Variants in SHANK1 observed in about 807,000 individuals in gnomAD.
The protein encoded by SHANK1 is SH3 and multiple ankyrin repeat domains protein 1.
SHANK1 carries 35 observed loss-of-function variants against 165.6 expected under a neutral mutation model. The observed-to-expected ratio is 0.21, with a 90% CI of 0.16 to 0.28. The LOEUF (loss-of-function observed/expected upper bound fraction) is 0.28, where lower values mean the gene tolerates loss of function less well. SHANK1 is among the 10% of genes least tolerant of loss of function. SHANK1 has a pLI of 1.00. For synonymous variants in SHANK1, 1,428 were observed against 1,384.8 expected (o/e 1.03, Z -0.69); for missense variants, 2,681 against 3,036.4 (o/e 0.88, Z 2.75).
At chr19:50,701,937 C>T (rs1440618342) in intron 12 of SHANK1, among the ~76,000 whole-genome samples, 1 of 152,180 alleles carries the variant, frequency 6.6e-6, no homozygotes, top group Non-Finnish European at 1.5e-5. Context: ...TCGCCACGGC[C>T]AAACATCTTA....
At chr19:50,681,770 G>T (rs544416148) in intron 21 of SHANK1, among the ~76,000 whole-genome samples, 5 of 152,286 alleles carry the variant, frequency 3.3e-5, no homozygotes, top group African/African-American at 7.2e-5. Flanking sequence ...TTATTTCAGT[G>T]AATTAATTTA....
Position 50,697,296 on chromosome 19 carries a change from C to T in SHANK1, c.1938-174G>A, listed in dbSNP as rs1986772225. ...TGGGGCACATGAAGGAGACAAGGGC[C>T]TCCAGCCAGCCAGACATAAGAGCGC... On this transcript the variant is annotated intron_variant, in intron 14 of 23. Transcript: ENST00000293441. This position sits in a 1 kb window ranked among gnomAD's most constrained non-coding sequence, Gnocchi z 4.7. 6.6e-6 allele frequency among the ~76,000 whole-genome samples: 1 copy of T among 151,340 alleles called. No individual in the cohort carries two copies. The highest frequency in any genetic ancestry group is 1.5e-5 in the Non-Finnish European group (1 of 67,766).
Position 50,672,098 on chromosome 19 carries a change from T to C in SHANK1, c.2594A>G (p.His865Arg). Residue 865 changes from histidine (H) to arginine (R), a missense_variant, in exon 22 of 24, where the codon CAC becomes CGC. His to Arg is a conservative substitution (Grantham distance 29). Transcript: ENST00000293441. ...FFATESSFDP[H>R]HRAQPSYERP... is the part of the protein sequence containing the mutation. ...CTCGTAACTTGGCTGGGCACGGTGG[T>C]GGGGATCGAAGCTCGACTTTGGAGC... is the stretch of plus-strand genomic sequence containing the variant. 6.2e-7 allele frequency: 1 copy of C among 1,613,352 alleles called. No homozygotes were observed.
At chr19:50,689,035 C>T in intron 16 of SHANK1, 67 bp from the exon 17 acceptor site, 2 of 1,272,706 alleles carry the variant, frequency 1.6e-6, no homozygotes, top group South Asian at 1.3e-5. Context: ...GGGGATGGGG[C>T]TCAGACCCAA....
Position 50,668,956 on chromosome 19 carries a change from G to C in SHANK1, c.3004C>G (p.His1002Asp). ...GGCGGGGCGTGGTGGTGGTGGTGGTGGGGCGGGTGGTGGTGGGCCGGGGGC... is the reference window on the plus strand; with the variant it reads ...GGCGGGGCGTGGTGGTGGTGGTGGTCGGGCGGGTGGTGGTGGGCCGGGGGC... ...PLPPAHHHPP[H>D]HHHHHAPPPQ... Residue 1002 changes from histidine (H) to aspartate (D), a missense_variant, in exon 23 of 24, where the codon CAC becomes GAC. Around this residue, in one of 10 missense-constraint regions of SHANK1, gnomAD observed 1,713 missense variants for 1,630.2 expected, o/e 1.05. Transcript: ENST00000293441. 1.7e-6 allele frequency: 1 copy of C among 584,090 alleles called. No individual in the cohort carries two copies. Among genetic ancestry groups the C allele is most frequent in the Non-Finnish European group, 2.9e-6 (1 of 350,204 alleles). 36.2% of individuals were successfully genotyped at this position (584,090 alleles called of 1,614,324 possible).
intron 8 of SHANK1, among the ~76,000 whole-genome samples, chr19:50,705,388 T>C (rs11669904): frequency 0.18 from 26,660 of 152,208 alleles, 2,534 homozygotes; most frequent in Middle Eastern, 0.22. Flanking sequence ...GAAATGATAA[T>C]GTTTTAGATA....
At chr19:50,710,332 C>T (rs1161089395) in intron 8 of SHANK1, among the ~76,000 whole-genome samples, 1 of 152,176 alleles carries the variant, frequency 6.6e-6, no homozygotes, top group Non-Finnish European at 1.5e-5. Flanking sequence ...GCAAGTTCTG[C>T]CGAGGCAGAG....
intron 3 of SHANK1, 107 bp from the exon 4 acceptor site, chr19:50,715,837 G>A (rs2089063132): frequency 9.2e-7 from 1 of 1,088,192 alleles, no homozygotes; most frequent in South Asian, 1.3e-5. Flanking sequence ...AATTCCCCGG[G>A]GTAGCTCAGG....
chr19:50,694,270 C>T (rs1464707242), intron 15 of SHANK1, among the ~76,000 whole-genome samples: 5 of 151,802 alleles, frequency 3.3e-5, no homozygotes, highest in South Asian at 2.1e-4. Flanking sequence ...CACGCACCGT[C>T]GCACAGTGAC....
chr19:50,675,875 A>G (rs1226953272), intron 21 of SHANK1, among the ~76,000 whole-genome samples: 5 of 152,170 alleles, frequency 3.3e-5, no homozygotes, highest in Non-Finnish European at 7.3e-5. Flanking sequence ...GTGGTGGTGC[A>G]TGCCTACGGT....
chr19:50,671,965 G>C, intron 22 of SHANK1, 53 bp downstream of exon 22: 1 of 1,332,856 alleles, frequency 7.5e-7, no homozygotes, highest in Non-Finnish European at 1.1e-6. Context: ...TTCCTGAACT[G>C]TCACGTTCCT....
rs1028983471 is a variant in SHANK1, at chr19:50,702,901, C to T, written c.1554-241G>A. On this transcript the variant is annotated intron_variant, in intron 11 of 23. Coordinates refer to ENST00000293441, the MANE Select transcript of SHANK1 (RefSeq NM_016148.5). The surrounding 1 kb of genome is among the most constrained non-coding windows in gnomAD (Gnocchi z 5.3). Reference sequence around the variant, plus strand: ...CTCTGCCCCCTCCCACGGTCCTGCGCGCACCGCCTGATTCAGCTTCCTGAG... The same window carrying T: ...CTCTGCCCCCTCCCACGGTCCTGCGTGCACCGCCTGATTCAGCTTCCTGAG... Among the ~76,000 whole-genome samples the T allele has an allele frequency of 1.6e-4, 25 of 152,186 alleles. No homozygotes were observed. The highest frequency in any genetic ancestry group is 1.5e-3 in the South Asian group (7 of 4,824).
rs1986964624 is a variant in SHANK1 at position 50,702,722 on chromosome 19, CA to C, written c.1554-63del. On this transcript the variant is annotated intron_variant, in intron 11 of 23. Transcript: ENST00000293441. This position sits in a 1 kb window ranked among gnomAD's most constrained non-coding sequence, Gnocchi z 5.3. The stretch of plus-strand genomic sequence containing the variant: ...GAGGGAGGGGACACCTCTGGGAGGA[CA>C]GGGGTCCTTGGGTGGGGGAAGAGGA... 5 of 1,111,958 alleles carry C rather than the reference CA, an allele frequency of 4.5e-6. No individual in the cohort carries two copies. The highest frequency in any genetic ancestry group is 3.2e-5 in the African/African-American group (2 of 63,144). The allele number at this position is 1,111,958 out of a possible 1,614,324, so 68.9% of individuals were successfully genotyped here.
intron 15 of SHANK1, 104 bp downstream of exon 15, chr19:50,696,992 A>G: frequency 1.1e-6 from 1 of 949,838 alleles, no homozygotes. Context: ...ACGTTCACAC[A>G]CCAAGAAACC....
chr19:50,715,869 GA>G, intron 3 of SHANK1, 139 bp from the exon 4 acceptor site: 1 of 820,266 alleles, frequency 1.2e-6, no homozygotes. Context: ...AACAGCCCTG[GA>G]ACCTTGGTCT....
chr19:50,683,914 C>T (rs115715073), intron 21 of SHANK1, among the ~76,000 whole-genome samples: 2 of 152,136 alleles, frequency 1.3e-5, no homozygotes, highest in African/African-American at 4.8e-5. Context: ...GAAACTATGA[C>T]GGACAGGAAG....
chr19:50,687,462 G>T, intron 19 of SHANK1, 120 bp downstream of exon 19: 1 of 734,240 alleles, frequency 1.4e-6, no homozygotes, highest in Non-Finnish European at 2.2e-6. Context: ...CCCATGGACT[G>T]GGGACAGGAT....
intron 22 of SHANK1, 87 bp from the exon 23 acceptor site, chr19:50,669,372 A>C: frequency 1.2e-6 from 1 of 845,650 alleles, no homozygotes. Flanking sequence ...AACAATACTA[A>C]TGACAAGAAT....
Position 50,716,196 on chromosome 19 carries a change from G to A in SHANK1, c.459+79C>T. 1 of 1,353,454 alleles carries A rather than the reference G, an allele frequency of 7.4e-7. No homozygotes were observed. Among genetic ancestry groups the A allele is most frequent in the African/African-American group, 1.4e-5 (1 of 69,760 alleles). 83.8% of individuals were successfully genotyped at this position (1,353,454 alleles called of 1,614,324 possible). On this transcript the variant is annotated intron_variant, in intron 3 of 23. Transcript: ENST00000293441. The surrounding 1 kb of genome is among the most constrained non-coding windows in gnomAD (Gnocchi z 8.4). The stretch of plus-strand genomic sequence containing the variant: ...GTGCCCCCTCGTTAAGGTTTCGAGT[G>A]TGTTAAAAAGTGGGTGGGGGGCAGA...
Sources: gnomAD v4.1 joint callset for allele counts (sites outside exome capture counted in the v4.1 genomes callset) on GRCh38, gnomAD v4.1.1 for gene constraint, gnomAD v4.1.1 regional missense constraint, Gnocchi (gnomAD v3.1) non-coding constraint, MANE v1.5 for transcripts, NCBI Gene and HGNC (gene_info 2026-07-23, HGNC 2026-07-21) for gene names.